Variants in SDK2 observed in about 807,000 individuals in gnomAD.
SDK2 encodes the protein protein sidekick-2.
Under a neutral mutation model 253.9 loss-of-function variants are expected in SDK2, and 105 were observed. The observed-to-expected ratio is 0.41, with a 90% CI of 0.35 to 0.49. The LOEUF (loss-of-function observed/expected upper bound fraction) is 0.49. Ranked by LOEUF, SDK2 falls within the 20% of genes least tolerant of loss-of-function variation. SDK2 has a pLI of 0.06. For missense variants in SDK2, 2,608 were observed against 3,003.0 expected, an observed-to-expected ratio of 0.87 and a Z score of 3.07; for synonymous variants, 1,249 against 1,234.9, an observed-to-expected ratio of 1.01 and a Z score of -0.24.
intron 1 of SDK2, among the ~76,000 whole-genome samples, chr17:73,567,161 C>T (rs1161235310): frequency 6.6e-6 from 1 of 152,242 alleles, no homozygotes; most frequent in African/African-American, 2.4e-5. Flanking sequence ...CTGCCCTCTG[C>T]GGCCCCAGGA....
chr17:73,531,839 C>T (rs113617556), intron 1 of SDK2, among the ~76,000 whole-genome samples: 1 of 152,206 alleles, frequency 6.6e-6, no homozygotes, highest in Non-Finnish European at 1.5e-5. Context: ...TCACAAACCA[C>T]ACACCCTTTC....
chr17:73,336,792 A>C lies in SDK2; in HGVS notation c.*1795T>G, dbSNP rs1272039690. On this transcript the variant is annotated 3_prime_UTR_variant, in exon 45 of 45. Coordinates refer to ENST00000392650, the MANE Select transcript of SDK2 (RefSeq NM_001144952.2). ...GCGCCTGTACACAGTGCACAGAGGG[A>C]GCCCTGCTCCACGAAGGGGCTCACG... is the stretch of plus-strand genomic sequence containing the variant. The C allele has an allele frequency of 6.6e-6, 1 of 152,644 alleles. No homozygotes were observed. The highest frequency in any genetic ancestry group is 1.5e-5 in the Non-Finnish European group (1 of 68,082). 9.5% of individuals were successfully genotyped at this position (152,644 alleles called of 1,614,324 possible).
At chr17:73,539,583 G>A (rs551596582) in intron 1 of SDK2, among the ~76,000 whole-genome samples, 12 of 152,270 alleles carry the variant, frequency 7.9e-5, no homozygotes, top group African/African-American at 1.7e-4. Context: ...ACACAGCACC[G>A]GAGTCACATA....
intron 2 of SDK2, among the ~76,000 whole-genome samples, chr17:73,491,513 C>T (rs574790703): frequency 1.3e-5 from 2 of 152,252 alleles, no homozygotes; most frequent in African/African-American, 2.4e-5. Context: ...ACTGGGACTA[C>T]AGGCGTGCAC....
At chr17:73,513,943 T>C (rs1198697090) in intron 1 of SDK2, among the ~76,000 whole-genome samples, 1 of 152,154 alleles carries the variant, frequency 6.6e-6, no homozygotes, top group Non-Finnish European at 1.5e-5. Context: ...CCATGAAAAA[T>C]GGATCCCAGT....
intron 12 of SDK2, among the ~76,000 whole-genome samples, chr17:73,424,707 T>C (rs1194589028): frequency 6.6e-6 from 1 of 152,194 alleles, no homozygotes; most frequent in African/African-American, 2.4e-5. Context: ...GTGCCAGCCC[T>C]GGGGGGCAGG....
rs1475889799 is a variant in SDK2 at position 73,335,960 on chromosome 17, G to A, written c.*2627C>T. Reference sequence around the variant, plus strand: ...GGGTGCGAATGAGCGTGTGGGGAGTGGGGGGGTGGAATATCTTAGTGCACC... The same window carrying A: ...GGGTGCGAATGAGCGTGTGGGGAGTAGGGGGGTGGAATATCTTAGTGCACC... On this transcript the variant is annotated 3_prime_UTR_variant, in exon 45 of 45. Transcript: ENST00000392650. 6.6e-6 allele frequency: 1 copy of A among 152,310 alleles called. No homozygotes were observed. The highest frequency in any genetic ancestry group is 1.5e-5 in the Non-Finnish European group (1 of 68,094). The allele number at this position is 152,310 out of a possible 1,614,324, so 9.4% of individuals were successfully genotyped here. A position where few individuals can be genotyped will look rare whatever the true frequency, so the allele number is the denominator to read the frequency against.
At position 73,430,503 on chromosome 17, in the gene SDK2, G is replaced by C; in HGVS notation, c.1583+8C>G. ...CCTCTTGCCTGGAGTCAACAGCAGAGCCAGTACCTGATGGTTACTCGGGGG... is the reference window on the plus strand; with the variant it reads ...CCTCTTGCCTGGAGTCAACAGCAGACCCAGTACCTGATGGTTACTCGGGGG... On this transcript the variant is annotated splice_region_variant and intron_variant, in intron 12 of 44. Transcript: ENST00000392650. The C allele has an allele frequency of 6.3e-7, 1 of 1,595,820 alleles. No homozygotes were observed. The highest frequency in any genetic ancestry group is 1.1e-5 in the South Asian group (1 of 89,142).
chr17:73,490,139 C>T (rs1451979051), intron 2 of SDK2, among the ~76,000 whole-genome samples: 3 of 152,150 alleles, frequency 2.0e-5, no homozygotes, highest in African/African-American at 4.8e-5. Context: ...TCTGGGGTTG[C>T]GTTCTGACTT....
At chr17:73,559,166 C>T (rs538434116) in intron 1 of SDK2, among the ~76,000 whole-genome samples, 1 of 152,306 alleles carries the variant, frequency 6.6e-6, no homozygotes, top group East Asian at 1.9e-4. Context: ...CACCCAGATC[C>T]TGAAAGTATT....
Position 73,464,769 on chromosome 17 carries a change from C to T in SDK2, c.331+7343G>A, listed in dbSNP as rs113322970. The stretch of plus-strand genomic sequence containing the variant: ...TCACCCGCTCCCAATGGCCACCCTC[C>T]ACCATCATATCAAATAAGACCCCTG... On this transcript the variant is annotated intron_variant, in intron 3 of 44. Coordinates refer to ENST00000392650, the MANE Select transcript of SDK2 (RefSeq NM_001144952.2). Among the ~76,000 whole-genome samples the T allele has an allele frequency of 9.9e-3, 1,502 of 152,294 alleles. 29 individuals are homozygous for T. Among genetic ancestry groups the T allele is most frequent in the African/African-American group, 0.033 (1,385 of 41,542 alleles).
chr17:73,543,271 C>T (rs930921510), intron 1 of SDK2, among the ~76,000 whole-genome samples: 23 of 152,014 alleles, frequency 1.5e-4, no homozygotes, highest in Non-Finnish European at 2.9e-4. Flanking sequence ...CCTGCCCTCC[C>T]TGGGGTTGAG....
chr17:73,366,147 T>A (rs1175327014), intron 37 of SDK2, among the ~76,000 whole-genome samples: 1 of 152,134 alleles, frequency 6.6e-6, no homozygotes, highest in Non-Finnish European at 1.5e-5. Context: ...CGGACCTGCT[T>A]CCGGCTCCAG....
At chr17:73,462,144 T>C (rs116265768) in intron 3 of SDK2, among the ~76,000 whole-genome samples, 1,791 of 152,118 alleles carry the variant, frequency 0.012, 34 homozygotes, top group African/African-American at 0.04. Context: ...TGGTGGGATG[T>C]ATAGTTGTAT....
intron 22 of SDK2, 137 bp from the exon 23 acceptor site, chr17:73,398,566 C>G: frequency 3.1e-6 from 2 of 649,002 alleles, no homozygotes; most frequent in Non-Finnish European, 2.7e-6. Context: ...TATGGGGCTA[C>G]CATCTTTCCA....
chr17:73,454,473 C>T (rs956843491), intron 4 of SDK2, among the ~76,000 whole-genome samples: 4 of 152,154 alleles, frequency 2.6e-5, no homozygotes, highest in African/African-American at 4.8e-5. Flanking sequence ...GCCTGTAAAA[C>T]GGGGAGAAAC....
rs746208643 is a variant in SDK2, at chr17:73,350,223, A to ACTGCTGGGCCT, written c.6038+13_6038+14insAGGCCCAGCAG. The ACTGCTGGGCCT allele has an allele frequency of 5.1e-6, 8 of 1,578,500 alleles. No individual in the cohort carries two copies. The highest frequency in any genetic ancestry group is 3.5e-5 in the South Asian group (3 of 86,538). Reference sequence around the variant, plus strand: ...GCTGGGCCTGGCCCCCAACCCACGCAGAGGGCCCAGTACCTGGTGTACAGG... The same window carrying ACTGCTGGGCCT: ...GCTGGGCCTGGCCCCCAACCCACGCACTGCTGGGCCTGAGGGCCCAGTACCTGGTGTACAGG... On this transcript the variant is annotated intron_variant, in intron 43 of 44. Coordinates refer to ENST00000392650, the MANE Select transcript of SDK2 (RefSeq NM_001144952.2).
At chr17:73,499,688 A>T (rs1567807975) in intron 2 of SDK2, among the ~76,000 whole-genome samples, 1 of 152,064 alleles carries the variant, frequency 6.6e-6, no homozygotes, top group East Asian at 1.9e-4. Context: ...TCTGCCGCTC[A>T]CTCTCTGGAT....
At chr17:73,637,203 G>A (rs955114915) in intron 1 of SDK2, among the ~76,000 whole-genome samples, 5 of 152,138 alleles carry the variant, frequency 3.3e-5, no homozygotes, top group Non-Finnish European at 7.4e-5. Context: ...GAAATGCAGA[G>A]ACCACAATGT....
Sources: allele counts gnomAD v4.1 joint callset (sites outside exome capture counted in the v4.1 genomes callset), GRCh38; gene constraint gnomAD v4.1.1; transcripts MANE v1.5; gene names NCBI Gene and HGNC (gene_info 2026-07-23, HGNC 2026-07-21).